Variants in CHN2 observed in about 807,000 individuals in gnomAD.
The protein encoded by CHN2 is beta-chimaerin.
A neutral mutation model predicts 56.3 loss-of-function variants in CHN2; 35 were observed. That is an observed-to-expected ratio of 0.62 (90% CI 0.47 to 0.82). The LOEUF is 0.82. CHN2 is among the 40% of genes least tolerant of loss of function. The pLI is 0.00. For missense variants in CHN2, 491 were observed against 580.5 expected (o/e 0.85, Z 1.58); for synonymous variants, 210 against 212.8 (o/e 0.99, Z 0.12).
chr7:29,454,794 T>G (rs1321273358), intron 6 of CHN2, among the ~76,000 whole-genome samples: 1 of 152,172 alleles, frequency 6.6e-6, no homozygotes. Flanking sequence ...ACTACGTGCA[T>G]TTGTCAAAAC....
At chr7:29,472,166 G>A (rs1054682740) in intron 6 of CHN2, among the ~76,000 whole-genome samples, 2 of 151,816 alleles carry the variant, frequency 1.3e-5, no homozygotes, top group Admixed American at 6.6e-5. Context: ...AAAAGGAATA[G>A]AGAACCAGCT....
At chr7:29,403,503 G>T (rs1245693239) in intron 6 of CHN2, among the ~76,000 whole-genome samples, 1 of 152,046 alleles carries the variant, frequency 6.6e-6, no homozygotes, top group East Asian at 1.9e-4. Context: ...CCAGAGAGAC[G>T]ATGTTACCTG....
chr7:29,198,034 C>T lies in CHN2; in HGVS notation c.49+3044C>T, dbSNP rs145154044. 366 of 456,274 alleles carry T rather than the reference C, an allele frequency of 8.0e-4. 3 individuals are homozygous for T. Among genetic ancestry groups the T allele is most frequent in the African/African-American group, 6.4e-3 (320 of 50,174 alleles). 28.3% of individuals were successfully genotyped at this position (456,274 alleles called of 1,614,324 possible). ...TTCTTTCTTGGGAAAGTTATGCTTA[C>T]AGGCCCATAAGCAGCATCATGCACA... On this transcript the variant is annotated intron_variant, in intron 1 of 12. Transcript: ENST00000222792.
chr7:29,156,997 G>A (rs955175130), intron 2 of CHN2, among the ~76,000 whole-genome samples: 1 of 152,062 alleles, frequency 6.6e-6, no homozygotes, highest in Non-Finnish European at 1.5e-5. Flanking sequence ...TCACACATTG[G>A]TCCACCCTAC....
At chr7:29,491,504 GCTCAAGCCATC>G (rs1459151887) in intron 7 of CHN2, among the ~76,000 whole-genome samples, 2 of 152,140 alleles carry the variant, frequency 1.3e-5, no homozygotes, top group East Asian at 3.9e-4. Context: ...GGACACCTGG[GCTCAAGCCATC>G]CTCCCATGTC....
At chr7:29,394,966 T>C (rs1009024646) in intron 4 of CHN2, among the ~76,000 whole-genome samples, 31 of 152,236 alleles carry the variant, frequency 2.0e-4, no homozygotes, top group African/African-American at 6.5e-4. Flanking sequence ...TTTTATTAGA[T>C]GGTAATTAGC....
intron 6 of CHN2, among the ~76,000 whole-genome samples, chr7:29,448,199 T>C (rs1350816684): frequency 6.6e-6 from 1 of 152,134 alleles, no homozygotes; most frequent in Non-Finnish European, 1.5e-5. Flanking sequence ...AGGTACGCAA[T>C]ACCTTATTTT....
intron 2 of CHN2, among the ~76,000 whole-genome samples, chr7:29,178,630 G>A (rs760344360): frequency 6.6e-6 from 1 of 152,076 alleles, no homozygotes; most frequent in Admixed American, 6.6e-5. Flanking sequence ...CATTGTCTGT[G>A]CCTCTTAAGG....
chr7:29,493,683 C>T (rs1307088123), intron 7 of CHN2, among the ~76,000 whole-genome samples: 1 of 152,142 alleles, frequency 6.6e-6, no homozygotes, highest in African/African-American at 2.4e-5. Flanking sequence ...AAGGCCCACA[C>T]TTCTACTGTC....
At chr7:29,488,266 G>T (rs1243674160) in intron 7 of CHN2, among the ~76,000 whole-genome samples, 1 of 152,184 alleles carries the variant, frequency 6.6e-6, no homozygotes, top group East Asian at 1.9e-4. Flanking sequence ...TCTTGCAAAA[G>T]GGGAGAGTTC....
intron 3 of CHN2, among the ~76,000 whole-genome samples, chr7:29,380,286 C>CAA (rs11373361): frequency 7.6e-4 from 113 of 147,830 alleles, no homozygotes; most frequent in Middle Eastern, 3.6e-3. Flanking sequence ...TGGTTCTTAC[C>CAA]AAAAAAAAAA....
exon 2 of CHN2, chr7:29,146,875 A>G (rs1584407678): frequency 3.9e-6 from 6 of 1,551,188 alleles, no homozygotes; most frequent in Non-Finnish European, 5.2e-6. Context: ...CAGGATTTAC[A>G]TTTGGAAAGC....
chr7:29,461,214 A>C (rs1585476357), intron 6 of CHN2, among the ~76,000 whole-genome samples: 2 of 152,352 alleles, frequency 1.3e-5, no homozygotes, highest in East Asian at 3.9e-4. Context: ...CATGTAATGT[A>C]TGCTACACAG....
chr7:29,208,025 T>G (rs917878390), intron 1 of CHN2, among the ~76,000 whole-genome samples: 1 of 152,214 alleles, frequency 6.6e-6, no homozygotes, highest in Admixed American at 6.5e-5. Flanking sequence ...TCAATGAACA[T>G]TTTTTAATAC....
intron 6 of CHN2, among the ~76,000 whole-genome samples, chr7:29,469,792 T>C (rs922536384): frequency 6.6e-6 from 1 of 152,226 alleles, no homozygotes; most frequent in East Asian, 1.9e-4. Flanking sequence ...AATGTACTTC[T>C]TAGTTTTGTT....
intron 1 of CHN2, among the ~76,000 whole-genome samples, chr7:29,351,635 G>A (rs781433443): frequency 1.3e-5 from 2 of 152,180 alleles, no homozygotes; most frequent in Non-Finnish European, 2.9e-5. Context: ...GCGATCTATT[G>A]GAGGGCATTT....
At position 29,438,509 on chromosome 7, in the gene CHN2, C is replaced by CT. The variant is rs375693564; in HGVS notation, c.576+37691dup. Among the ~76,000 whole-genome samples the CT allele has an allele frequency of 6.0e-3, 905 of 150,100 alleles. 11 individuals are homozygous for CT. Among genetic ancestry groups the CT allele is most frequent in the African/African-American group, 0.019 (778 of 41,024 alleles). ...CTATGGTTAGATGTTTAAGTTCATT[C>CT]TTTTTTTTTTCCATGTTAGAAACAA... is the stretch of plus-strand genomic sequence containing the variant. On this transcript the variant is annotated intron_variant, in intron 6 of 12. Transcript: ENST00000222792.
chr7:29,238,900 G>A (rs1787421200), intron 1 of CHN2, among the ~76,000 whole-genome samples: 1 of 152,238 alleles, frequency 6.6e-6, no homozygotes, highest in Non-Finnish European at 1.5e-5. Context: ...GCAAGGCGGG[G>A]CAGTAGTCAG....
At chr7:29,469,198 CAA>C (rs1235103257) in intron 6 of CHN2, among the ~76,000 whole-genome samples, 1 of 152,228 alleles carries the variant, frequency 6.6e-6, no homozygotes, top group African/African-American at 2.4e-5. Flanking sequence ...TACCTTGAAA[CAA>C]TATCCAGATT....
Sources: allele counts gnomAD v4.1 joint callset (sites outside exome capture counted in the v4.1 genomes callset), GRCh38; gene constraint gnomAD v4.1.1; transcripts MANE v1.5; gene names NCBI Gene and HGNC (gene_info 2026-07-23, HGNC 2026-07-21).